The following CLPS variants were observed in gnomAD, a reference collection of about 807,000 sequenced individuals.
CLPS encodes the protein colipase, pancreatic.
A neutral mutation model predicts 9.3 loss-of-function variants in CLPS; 8 were observed. The observed-to-expected ratio is 0.86, with a 90% confidence interval of 0.51 to 1.56. The LOEUF (loss-of-function observed/expected upper bound fraction) is 1.56, where lower values mean the gene tolerates loss of function less well. Among genes scored for constraint, CLPS ranks in the 40% most tolerant of loss-of-function variants. The pLI, the probability that CLPS is intolerant of heterozygous loss-of-function variation, is 0.00. For synonymous variants in CLPS, 61 were observed against 56.2 expected (o/e 1.09, Z -0.39); for missense variants, 144 against 145.7 (o/e 0.99, Z 0.06).
intron 1 of CLPS, among the ~76,000 whole-genome samples, chr6:35,796,563 C>T (rs539789869): frequency 6.6e-6 from 1 of 152,398 alleles, no homozygotes; most frequent in African/African-American, 2.4e-5. Context: ...TCCGAGGCAT[C>T]TCCATAAGTC....
chr6:35,796,578 G>T (rs1768373921), intron 1 of CLPS, among the ~76,000 whole-genome samples: 1 of 152,282 alleles, frequency 6.6e-6, no homozygotes, highest in Admixed American at 6.5e-5. Context: ...TAAGTCAGAA[G>T]CTGGAATGAT....
chr6:35,797,062 G>A (rs116063149), intron 1 of CLPS, 143 bp downstream of exon 1: 22,593 of 738,344 alleles, frequency 0.031, 6 homozygotes, highest in African/African-American at 0.047. Context: ...CATAGGACAG[G>A]ACATGGAAGT....
At position 35,795,825 on chromosome 6, in the gene CLPS, G is replaced by A. The variant is rs773085590; in HGVS notation, c.113C>T (p.Ala38Val). 6 of 1,613,026 alleles carry A rather than the reference G, an allele frequency of 3.7e-6. No homozygotes were observed. The highest frequency in any genetic ancestry group is 5.1e-6 in the Non-Finnish European group (6 of 1,180,036). Residue 38 changes from alanine to valine, a missense_variant, in exon 2 of 3, where the codon GCC (alanine) becomes GTC (valine). Physicochemically the swap from Ala to Val is moderately conservative, Grantham distance 64 (BLOSUM62 0). Coordinates refer to ENST00000259938, the MANE Select transcript of CLPS (RefSeq NM_001832.4). ...CTGGCAGCAATTGCTCTTACACTGG[G>A]CACTATTCATGCAGAGCTCACCGTT... is the stretch of plus-strand genomic sequence containing the variant. ...LENGELCMNSAQCKSNCCQHS... is the reference protein window; with the variant it reads ...LENGELCMNSVQCKSNCCQHS...
At chr6:35,795,632 T>G (rs1030148658) in intron 2 of CLPS, 99 bp downstream of exon 2, 432 of 1,549,506 alleles carry the variant, frequency 2.8e-4, no homozygotes, top group Non-Finnish European at 3.7e-4. Flanking sequence ...TCCTCAACAT[T>G]CAGTGTCCAG....
chr6:35,795,629 C>T (rs1332842573), intron 2 of CLPS, 102 bp downstream of exon 2: 4 of 1,546,528 alleles, frequency 2.6e-6, no homozygotes, highest in African/African-American at 2.7e-5. Context: ...GTCTCCTCAA[C>T]ATTCAGTGTC....
At position 35,797,221 on chromosome 6, in the gene CLPS, C is replaced by T; in HGVS notation, c.68G>A (p.Gly23Glu). 1.2e-6 allele frequency: 2 copies of T among 1,614,042 alleles called. No individual in the cohort carries two copies. Among genetic ancestry groups the T allele is most frequent in the South Asian group, 1.1e-5 (1 of 91,076 alleles). Reference sequence around the variant, plus strand: ...CCCTCTTACCAGGTTGATAATGATCCCCCGGGGGCCAGGAGCTGCATAGGC... The same window carrying T: ...CCCTCTTACCAGGTTGATAATGATCTCCCGGGGGCCAGGAGCTGCATAGGC... Reference protein sequence around the residue: ...SVAYAAPGPRGIIINLENGEL... With the variant: ...SVAYAAPGPREIIINLENGEL... The change falls in exon 1 of 3, where the codon GGG becomes GAG. Residue 23 changes from glycine to glutamate, a missense_variant. By Grantham distance (98) the Gly-to-Glu change is moderately conservative (BLOSUM62 -2). Transcript: ENST00000259938.
At chr6:35,795,948 C>T (rs1240867240) in intron 1 of CLPS, 95 bp from the exon 2 acceptor site, 1 of 1,555,546 alleles carries the variant, frequency 6.4e-7, no homozygotes, top group Admixed American at 1.7e-5. Context: ...AACAGTGTCT[C>T]CCCTGGTAGG....
Position 35,795,790 on chromosome 6 carries a change from C to A in CLPS, c.148G>T (p.Ala50Ser). The A allele has an allele frequency of 1.2e-6, 2 of 1,613,378 alleles. No homozygotes were observed. Among genetic ancestry groups the A allele is most frequent in the Non-Finnish European group, 1.7e-6 (2 of 1,180,038 alleles). Reference protein sequence around the residue: ...CKSNCCQHSSALGLARCTSMA... With the variant: ...CKSNCCQHSSSLGLARCTSMA... ...GATGTGCAGCGGGCCAGGCCCAGCG[C>A]ACTTGAATGCTGGCAGCAATTGCTC... The change falls in exon 2 of 3, where the codon GCG becomes TCG. Residue 50 changes from alanine (A) to serine (S), a missense_variant. Coordinates refer to ENST00000259938, the MANE Select transcript of CLPS (RefSeq NM_001832.4).
chr6:35,797,150 T>C lies in CLPS; in HGVS notation c.84+55A>G, dbSNP rs991604671. 37 of 1,514,342 alleles carry C rather than the reference T, an allele frequency of 2.4e-5. No individual in the cohort carries two copies. In the African/African-American group the frequency reaches 5.0e-4, roughly 20 times the overall value. 93.8% of individuals were successfully genotyped at this position (1,514,342 alleles called of 1,614,324 possible). On this transcript the variant is annotated intron_variant, in intron 1 of 2. Coordinates refer to ENST00000259938, the MANE Select transcript of CLPS (RefSeq NM_001832.4). The stretch of plus-strand genomic sequence containing the variant: ...AGACATCAGAGGTCAAGGTCCAAGC[T>C]TAGGAAGTCTTCATCTGGGGACTCA...
intron 2 of CLPS, 115 bp downstream of exon 2, chr6:35,795,616 C>G: frequency 6.6e-7 from 1 of 1,514,038 alleles, no homozygotes; most frequent in East Asian, 2.3e-5. Context: ...CGACCTCCCT[C>G]TCGTCTCCTC....
Position 35,797,196 on chromosome 6 carries a change from C to A in CLPS, c.84+9G>T, listed in dbSNP as rs370676470. On this transcript the variant is annotated intron_variant, in intron 1 of 2. Coordinates refer to ENST00000259938, the MANE Select transcript of CLPS (RefSeq NM_001832.4). ...ACTCAGGAGGCGCCTCCCCTGAAGA[C>A]CCTCTTACCAGGTTGATAATGATCC... 5.0e-6 allele frequency: 8 copies of A among 1,612,956 alleles called. No homozygotes were observed. The African/African-American group carries it at 6.7e-5, about 13-fold the overall frequency.
chr6:35,796,813 A>T lies in CLPS; in HGVS notation c.84+392T>A, dbSNP rs1231836206. 1.5e-5 allele frequency: 7 copies of T among 456,768 alleles called. 1 individual carries two copies. Among genetic ancestry groups the T allele is most frequent in the South Asian group, 9.5e-5 (6 of 63,328 alleles). 28.3% of individuals were successfully genotyped at this position (456,768 alleles called of 1,614,324 possible). On this transcript the variant is annotated intron_variant, in intron 1 of 2. Transcript: ENST00000259938. Reference sequence around the variant, plus strand: ...GCTGAGCGTTATGGCAGGCACCTGTAATCCCAGCTTCTTGGGAGGCTGAGG... The same window carrying T: ...GCTGAGCGTTATGGCAGGCACCTGTTATCCCAGCTTCTTGGGAGGCTGAGG...
At chr6:35,797,077 A>T (rs1768386010) in intron 1 of CLPS, 128 bp downstream of exon 1, 5 of 838,610 alleles carry the variant, frequency 6.0e-6, no homozygotes, top group Non-Finnish European at 9.6e-6. Context: ...GGAAGTAAAC[A>T]GAGGGATGCA....
rs552461215 is a variant in CLPS at position 35,795,067 on chromosome 6, C to T, written c.*79G>A. ...AAGGAGGTGGCCAGCCCGGGAGATG[C>T]GCTGGAGCAGGGGAGAGATGCCCCT... On this transcript the variant is annotated 3_prime_UTR_variant, in exon 3 of 3. Coordinates refer to ENST00000259938, the MANE Select transcript of CLPS (RefSeq NM_001832.4). 12 of 1,549,910 alleles carry T rather than the reference C, an allele frequency of 7.7e-6. No homozygotes were observed. Among genetic ancestry groups the T allele is most frequent in the East Asian group, 6.9e-5 (3 of 43,434 alleles).
intron 1 of CLPS, among the ~76,000 whole-genome samples, chr6:35,796,420 G>A (rs1439531838): frequency 6.6e-6 from 1 of 152,280 alleles, no homozygotes; most frequent in African/African-American, 2.4e-5. Context: ...GGGCAGTGGT[G>A]GGGCCCCAGC....
intron 1 of CLPS, among the ~76,000 whole-genome samples, chr6:35,796,593 G>A (rs9470101): frequency 0.22 from 33,020 of 147,830 alleles, 568 homozygotes; most frequent in African/African-American, 0.29. Flanking sequence ...AATGATTGGC[G>A]CAAAGCATTT....
At chr6:35,795,940 C>G (rs1334189937) in intron 1 of CLPS, 87 bp from the exon 2 acceptor site, 1 of 1,567,064 alleles carries the variant, frequency 6.4e-7, no homozygotes, top group African/African-American at 1.3e-5. Context: ...CTACCACTAA[C>G]AGTGTCTCCC....
Position 35,795,751 on chromosome 6 carries a change from T to C in CLPS, c.187A>G (p.Asn63Asp), listed in dbSNP as rs1456365631. ...CCCACCTTGACAGAGCACTCGCTGT[T>C]CTCGCTGGCCATGGATGTGCAGCGG... ...LARCTSMASENSECSVKTLYG... is the reference protein window; with the variant it reads ...LARCTSMASEDSECSVKTLYG... The change falls in exon 2 of 3, where the codon AAC (asparagine) becomes GAC (aspartate). Residue 63 changes from asparagine (N) to aspartate (D), a missense_variant. Transcript: ENST00000259938. 6.2e-7 allele frequency: 1 copy of C among 1,612,578 alleles called. No homozygotes were observed. The highest frequency in any genetic ancestry group is 8.5e-7 in the Non-Finnish European group (1 of 1,179,992).
chr6:35,796,632 T>C (rs958202986), intron 1 of CLPS, among the ~76,000 whole-genome samples: 2 of 152,262 alleles, frequency 1.3e-5, no homozygotes, highest in African/African-American at 2.4e-5. Context: ...GGGCTCTGGA[T>C]TTTTACAAAG....
Sources: allele counts gnomAD v4.1 joint callset (sites outside exome capture counted in the v4.1 genomes callset), GRCh38; gene constraint gnomAD v4.1.1; transcripts MANE v1.5; gene names NCBI Gene and HGNC (gene_info 2026-07-23, HGNC 2026-07-21).